GDF2: variants seen among roughly 807,000 people sequenced by gnomAD.
GDF2 encodes the protein growth differentiation factor 2, also known as growth/differentiation factor 2.
GDF2 carries 17 observed loss-of-function variants against 16.9 expected under a neutral mutation model. The observed-to-expected ratio is 1.00, with a 90% CI of 0.69 to 1.51. GDF2 has a LOEUF of 1.51. Ranked by LOEUF, GDF2 falls within the 40% of genes most tolerant of loss-of-function variation. The pLI is 0.00. For synonymous variants in GDF2, 276 were observed against 237.6 expected (o/e 1.16, Z -1.49); for missense variants, 523 against 556.3 (o/e 0.94, Z 0.60).
rs1555209237 is a variant in GDF2 at position 47,327,467 on chromosome 10, G to T, written c.*1683G>T. On this transcript the variant is annotated 3_prime_UTR_variant, in exon 2 of 2. Transcript: ENST00000581492. ...TAGAAAATATGAATTCCTGCTACAT[G>T]CCGGGCAGTGTAGTGTTACAATGCT... Among the ~76,000 whole-genome samples the T allele has an allele frequency of 6.6e-6, 1 of 152,176 alleles. No individual in the cohort carries two copies. Among genetic ancestry groups the T allele is most frequent in the Non-Finnish European group, 1.5e-5 (1 of 68,034 alleles).
chr10:47,322,997 G>T lies in GDF2; in HGVS notation c.329G>T (p.Arg110Leu). 1 of 1,595,024 alleles carries T rather than the reference G, an allele frequency of 6.3e-7. No individual in the cohort carries two copies. Among genetic ancestry groups the T allele is most frequent in the African/African-American group, 1.3e-5 (1 of 74,738 alleles). ...KSTTPASNIV[R>L]SFSMEDAISI... ...ACTACGCCAGCGTCCAACATTGTGCGGAGCTTCAGCATGGAAGGTAGGGTC... is the reference window on the plus strand; with the variant it reads ...ACTACGCCAGCGTCCAACATTGTGCTGAGCTTCAGCATGGAAGGTAGGGTC... Residue 110 changes from arginine to leucine, a missense_variant, in exon 1 of 2, where the codon CGG becomes CTG. Coordinates refer to ENST00000581492, the MANE Select transcript of GDF2 (RefSeq NM_016204.4).
In GDF2 at chr10:47,325,205, C is replaced by T. The variant is rs146775536; in HGVS notation, c.711C>T (p.Cys237=). Reference sequence around the variant, plus strand: ...CTGTGGAGAGCCACAGGAAGGGCTGCGACACGCTGGACATCAGTGTCCCCC... The same window carrying T: ...CTGTGGAGAGCCACAGGAAGGGCTGTGACACGCTGGACATCAGTGTCCCCC... ...EVTVESHRKG[C]DTLDISVPPG... Residue 237 remains cysteine (C), a synonymous_variant, in exon 2 of 2, where the codon TGC becomes TGT. Transcript: ENST00000581492. 188 of 1,614,014 alleles carry T rather than the reference C, an allele frequency of 1.2e-4. No homozygotes were observed. Among genetic ancestry groups the T allele is most frequent in the East Asian group, 2.9e-4 (13 of 44,872 alleles).
chr10:47,323,238 A>G (rs782783539), intron 1 of GDF2, among the ~76,000 whole-genome samples: 7 of 152,186 alleles, frequency 4.6e-5, no homozygotes, highest in Admixed American at 1.3e-4. Context: ...GAACATTTCC[A>G]TGGTTACTGA....
In GDF2 at chr10:47,325,796, G is replaced by A. The variant is rs1555209112; in HGVS notation, c.*12G>A. ...GTGGGTGCAGGTAGTATCTGCCTGC[G>A]GGGCTGGGGAGGCAGGCCAAAGGGG... On this transcript the variant is annotated 3_prime_UTR_variant, in exon 2 of 2. Transcript: ENST00000581492. The A allele has an allele frequency of 1.2e-5, 18 of 1,511,236 alleles. No individual in the cohort carries two copies. Among genetic ancestry groups the A allele is most frequent in the Middle Eastern group, 3.9e-4 (2 of 5,166 alleles). 93.6% of individuals were successfully genotyped at this position (1,511,236 alleles called of 1,614,324 possible).
In GDF2 at chr10:47,325,022, G is replaced by A. The variant is rs1555208888; in HGVS notation, c.528G>A (p.Leu176=). The A allele has an allele frequency of 6.2e-7, 1 of 1,614,120 alleles. No homozygotes were observed. Among genetic ancestry groups the A allele is most frequent in the Non-Finnish European group, 8.5e-7 (1 of 1,180,032 alleles). The change falls in exon 2 of 2, where the codon CTG becomes CTA. Residue 176 remains leucine (L), a synonymous_variant. Transcript: ENST00000581492. ...GAAGCGTGGTCATTTATGATGTTCTGGATGGAACAGATGCCTGGGATAGTG... is the reference window on the plus strand; with the variant it reads ...GAAGCGTGGTCATTTATGATGTTCTAGATGGAACAGATGCCTGGGATAGTG... ...LKGSVVIYDV[L]DGTDAWDSAT... is the part of the protein sequence containing the mutation.
Position 47,327,163 on chromosome 10 carries a change from AC to A in GDF2, c.*1382del, listed in dbSNP as rs1182908991. On this transcript the variant is annotated 3_prime_UTR_variant, in exon 2 of 2. Transcript: ENST00000581492. Reference sequence around the variant, plus strand: ...AAGGCTTCCATTTGCTCTGTGTTTCACCCTCTCCTCTGTCTCTCCAGGCCAC... The same window carrying A: ...AAGGCTTCCATTTGCTCTGTGTTTCACCTCTCCTCTGTCTCTCCAGGCCAC... Among the ~76,000 whole-genome samples, 2 of 152,062 alleles carry A rather than the reference AC, an allele frequency of 1.3e-5. No homozygotes were observed. The highest frequency in any genetic ancestry group is 2.9e-5 in the Non-Finnish European group (2 of 68,016).
Position 47,325,146 on chromosome 10 carries a change from G to A in GDF2, c.652G>A (p.Asp218Asn), listed in dbSNP as rs142402214. Residue 218 changes from aspartate (D) to asparagine (N), a missense_variant, in exon 2 of 2, where the codon GAC becomes AAC. Physicochemically the swap from Asp to Asn is conservative, Grantham distance 23 (BLOSUM62 1). Transcript: ENST00000581492. ...SSAVKRWVRSDSTKSKNKLEV... is the reference protein window; with the variant it reads ...SSAVKRWVRSNSTKSKNKLEV... ...CGCCGTGAAGCGCTGGGTCCGGTCC[G>A]ACTCCACCAAGAGCAAAAATAAGCT... 1.7e-3 allele frequency: 2,780 copies of A among 1,613,882 alleles called. 27 individuals are homozygous for A. The highest frequency in any genetic ancestry group is 0.013 in the South Asian group (1,183 of 91,068).
In GDF2 at chr10:47,324,754, C is replaced by A. The variant is rs1274601442; in HGVS notation, c.347-87C>A. On this transcript the variant is annotated intron_variant, in intron 1 of 1. Coordinates refer to ENST00000581492, the MANE Select transcript of GDF2 (RefSeq NM_016204.4). ...CAGACCAAAATTGTTATCCCAGATG[C>A]TCTTCTGTCTAAACCCTGAGACTCA... 5 of 866,432 alleles carry A rather than the reference C, an allele frequency of 5.8e-6. No homozygotes were observed. The African/African-American group carries it at 8.3e-5, about 14-fold the overall frequency. 53.7% of individuals were successfully genotyped at this position (866,432 alleles called of 1,614,324 possible).
At position 47,322,686 on chromosome 10, in the gene GDF2, G is replaced by T; in HGVS notation, c.18G>T (p.Leu6=). The part of the protein sequence containing the change: MCPGA[L]WVALPLLSLL... Reference sequence around the variant, plus strand: ...GGCCTAAGATGTGTCCTGGGGCACTGTGGGTGGCCCTGCCCCTGCTGTCCC... The same window carrying T: ...GGCCTAAGATGTGTCCTGGGGCACTTTGGGTGGCCCTGCCCCTGCTGTCCC... Residue 6 remains leucine (L), a synonymous_variant, in exon 1 of 2, where the codon CTG becomes CTT. Transcript: ENST00000581492. The T allele has an allele frequency of 6.4e-7, 1 of 1,567,798 alleles. No homozygotes were observed. Among genetic ancestry groups the T allele is most frequent in the South Asian group, 1.2e-5 (1 of 85,102 alleles).
rs1013001839 is a variant in GDF2, at chr10:47,327,021, C to A, written c.*1237C>A. 1.3e-5 allele frequency among the ~76,000 whole-genome samples: 2 copies of A among 152,228 alleles called. No homozygotes were observed. Among genetic ancestry groups the A allele is most frequent in the African/African-American group, 4.8e-5 (2 of 41,460 alleles). On this transcript the variant is annotated 3_prime_UTR_variant, in exon 2 of 2. Transcript: ENST00000581492. Reference sequence around the variant, plus strand: ...GCCTCGGAAGAGCTGCAGTCCTTATCGGCTATCACTGGCTCTGCCTGCATT... The same window carrying A: ...GCCTCGGAAGAGCTGCAGTCCTTATAGGCTATCACTGGCTCTGCCTGCATT...
At position 47,322,458 on chromosome 10, in the gene GDF2, A is replaced by G; in HGVS notation, c.-211A>G. The G allele has an allele frequency of 2.0e-6, 1 of 497,694 alleles. No homozygotes were observed. Among genetic ancestry groups the G allele is most frequent in the Non-Finnish European group, 3.5e-6 (1 of 283,474 alleles). 30.8% of individuals were successfully genotyped at this position (497,694 alleles called of 1,614,324 possible). A position where few individuals can be genotyped will look rare whatever the true frequency, so the allele number is the denominator to read the frequency against. On this transcript the variant is annotated 5_prime_UTR_variant, in exon 1 of 2. It adds an upstream start codon to the 5' untranslated region. Transcript: ENST00000581492. Reference sequence around the variant, plus strand: ...TCATTAACGGAAGGCTCCCTCAGATAAGACGTCGGAGCGCGGCATCGAGGA... The same window carrying G: ...TCATTAACGGAAGGCTCCCTCAGATGAGACGTCGGAGCGCGGCATCGAGGA...
rs782719698 is a variant in GDF2 at position 47,325,239 on chromosome 10, A to G, written c.745A>G (p.Arg249Gly). 2 of 1,614,182 alleles carry G rather than the reference A, an allele frequency of 1.2e-6. No individual in the cohort carries two copies. The highest frequency in any genetic ancestry group is 4.5e-5 in the East Asian group (2 of 44,876). Residue 249 changes from arginine to glycine, a missense_variant, in exon 2 of 2, where the codon AGA (arginine) becomes GGA (glycine). Arg to Gly is a moderately radical substitution (Grantham distance 125). Transcript: ENST00000581492. ...GGACATCAGTGTCCCCCCAGGTTCC[A>G]GAAACCTGCCCTTCTTTGTTGTCTT... ...TLDISVPPGSRNLPFFVVFSN... is the reference protein window; with the variant it reads ...TLDISVPPGSGNLPFFVVFSN...
chr10:47,325,131 C>G lies in GDF2; in HGVS notation c.637C>G (p.Arg213Gly). ...ETLEVSSAVK[R>G]WVRSDSTKSK... ...CTTGGAAGTGTCCAGCGCCGTGAAG[C>G]GCTGGGTCCGGTCCGACTCCACCAA... is the stretch of plus-strand genomic sequence containing the variant. The change falls in exon 2 of 2, where the codon CGC (arginine) becomes GGC (glycine). Residue 213 changes from arginine to glycine, a missense_variant. Physicochemically the swap from Arg to Gly is moderately radical, Grantham distance 125 (BLOSUM62 -2). Coordinates refer to ENST00000581492, the MANE Select transcript of GDF2 (RefSeq NM_016204.4). 6.2e-7 allele frequency: 1 copy of G among 1,613,954 alleles called. No individual in the cohort carries two copies. Among genetic ancestry groups the G allele is most frequent in the Non-Finnish European group, 8.5e-7 (1 of 1,180,024 alleles).
chr10:47,323,041 G>A (rs572442820), intron 1 of GDF2, 27 bp downstream of exon 1: 31 of 1,521,458 alleles, frequency 2.0e-5, no homozygotes, highest in African/African-American at 5.4e-5. Flanking sequence ...CACCATGCGC[G>A]CTGGGGTGGG....
chr10:47,326,823 A>G lies in GDF2; in HGVS notation c.*1039A>G, dbSNP rs1490854571. ...TACTCTGCATAGCCAGCTCACCAGC[A>G]TGCCATGCCCAGGGTGCCCCCCAGT... On this transcript the variant is annotated 3_prime_UTR_variant, in exon 2 of 2. Transcript: ENST00000581492. 6.6e-6 allele frequency among the ~76,000 whole-genome samples: 1 copy of G among 152,244 alleles called. No individual in the cohort carries two copies. The highest frequency in any genetic ancestry group is 1.5e-5 in the Non-Finnish European group (1 of 68,036).
rs1588850555 is a variant in GDF2 at position 47,322,607 on chromosome 10, G to C, written c.-62G>C. 5.5e-6 allele frequency: 7 copies of C among 1,261,766 alleles called. No homozygotes were observed. Among genetic ancestry groups the C allele is most frequent in the Non-Finnish European group, 7.5e-6 (7 of 934,126 alleles). The allele number at this position is 1,261,766 out of a possible 1,614,324, so 78.2% of individuals were successfully genotyped here. On this transcript the variant is annotated 5_prime_UTR_variant, in exon 1 of 2. Transcript: ENST00000581492. The stretch of plus-strand genomic sequence containing the variant: ...GCCCGCTCCTTCCCAGCTCCTCCCC[G>C]TGCCCGCTAACACAGCACGGCCGCC...
chr10:47,325,184 G>A lies in GDF2; in HGVS notation c.690G>A (p.Val230=). Residue 230 remains valine (V), a synonymous_variant, in exon 2 of 2, where the codon GTG becomes GTA. Transcript: ENST00000581492. ...GCAAAAATAAGCTGGAAGTGACTGT[G>A]GAGAGCCACAGGAAGGGCTGCGACA... ...TKSKNKLEVT[V]ESHRKGCDTL... 1 of 1,614,032 alleles carries A rather than the reference G, an allele frequency of 6.2e-7. No individual in the cohort carries two copies. The highest frequency in any genetic ancestry group is 1.1e-5 in the South Asian group (1 of 91,062).
chr10:47,327,206 T>C lies in GDF2; in HGVS notation c.*1422T>C, dbSNP rs1555209225. ...CCAGGCCACACATGGAACGGGGCGG[T>C]ATGAGGAAGAGTCTGAAAGTGGTGA... On this transcript the variant is annotated 3_prime_UTR_variant, in exon 2 of 2. Transcript: ENST00000581492. 1.3e-5 allele frequency among the ~76,000 whole-genome samples: 2 copies of C among 151,914 alleles called. No individual in the cohort carries two copies. The highest frequency in any genetic ancestry group is 2.9e-5 in the Non-Finnish European group (2 of 67,964).
chr10:47,322,761 G>A lies in GDF2; in HGVS notation c.93G>A (p.Gly31=). The change falls in exon 1 of 2, where the codon GGG becomes GGA. Residue 31 remains glycine (G), a synonymous_variant. Transcript: ENST00000581492. ...AGCCACTGCAGAGCTGGGGACGAGG[G>A]TCTGCTGGGGGAAACGCCCACAGCC... ...QGKPLQSWGR[G]SAGGNAHSPL... 1 of 1,612,550 alleles carries A rather than the reference G, an allele frequency of 6.2e-7. No individual in the cohort carries two copies. Among genetic ancestry groups the A allele is most frequent in the Non-Finnish European group, 8.5e-7 (1 of 1,179,122 alleles).
Sources: allele counts gnomAD v4.1 joint callset (sites outside exome capture counted in the v4.1 genomes callset), GRCh38; gene constraint gnomAD v4.1.1; transcripts MANE v1.5; gene names NCBI Gene and HGNC (gene_info 2026-07-23, HGNC 2026-07-21).